ASCC3: variants seen among roughly 807,000 people sequenced by gnomAD.
ASCC3 encodes the protein activating signal cointegrator 1 complex subunit 3, also known as ASC-1 complex subunit P200.
In ASCC3, 158 loss-of-function variants were observed where a neutral mutation model predicts 256.3. That is an observed-to-expected ratio of 0.62 (90% CI 0.54 to 0.70). ASCC3 has a LOEUF of 0.70. ASCC3 is among the 30% of genes least tolerant of loss of function. The probability of loss-of-function intolerance (pLI) is 0.00; values close to 1 mark genes in which losing one functional copy is unlikely to be tolerated. For missense variants in ASCC3, 2,259 were observed against 2,626.0 expected (o/e 0.86, Z 3.05); for synonymous variants, 948 against 883.4 (o/e 1.07, Z -1.30).
chr6:100,647,564 T>C (rs1775444368), intron 20 of ASCC3, 113 bp from the exon 21 acceptor site: 5 of 872,168 alleles, frequency 5.7e-6, no homozygotes, highest in Non-Finnish European at 7.4e-6. Flanking sequence ...GCTGCATCCT[T>C]GAATTGTGGG....
chr6:100,574,304 T>G (rs1186842950), intron 36 of ASCC3, among the ~76,000 whole-genome samples: 1 of 151,998 alleles, frequency 6.6e-6, no homozygotes, highest in African/African-American at 2.4e-5. Context: ...CTTTGTAAAT[T>G]TAGATAAAAG....
At chr6:100,545,832 T>C (rs1348582041) in intron 36 of ASCC3, among the ~76,000 whole-genome samples, 1 of 152,142 alleles carries the variant, frequency 6.6e-6, no homozygotes, top group Non-Finnish European at 1.5e-5. Context: ...CTTTCTGCCT[T>C]AGCATCCCAA....
chr6:100,766,797 AAT>A (rs1781680109), intron 9 of ASCC3, 92 bp from the exon 10 acceptor site: 5 of 1,453,992 alleles, frequency 3.4e-6, no homozygotes. Flanking sequence ...TTTATTGTGA[AAT>A]ATGTTTCTAA....
chr6:100,853,420 CT>C (rs11299576), intron 3 of ASCC3, among the ~76,000 whole-genome samples: 22,940 of 127,246 alleles, frequency 0.18, 1,376 homozygotes, highest in African/African-American at 0.21. Flanking sequence ...ATAAATATTC[CT>C]TTTTTTTTTT....
intron 8 of ASCC3, among the ~76,000 whole-genome samples, chr6:100,769,697 G>T (rs1415442146): frequency 6.6e-6 from 1 of 151,558 alleles, no homozygotes; most frequent in Non-Finnish European, 1.5e-5. Flanking sequence ...TAACCTCTGG[G>T]CAGACTGATC....
intron 30 of ASCC3, among the ~76,000 whole-genome samples, chr6:100,617,608 C>T (rs1562170772): frequency 6.6e-6 from 1 of 152,212 alleles, no homozygotes; most frequent in Non-Finnish European, 1.5e-5. Context: ...CTTCTGTTCA[C>T]ATGTCACTGA....
intron 2 of ASCC3, among the ~76,000 whole-genome samples, chr6:100,866,276 A>T (rs1773475215): frequency 6.6e-6 from 1 of 152,164 alleles, no homozygotes; most frequent in Admixed American, 6.5e-5. Flanking sequence ...GGCCCTAGAG[A>T]TAAATAATTT....
intron 37 of ASCC3, among the ~76,000 whole-genome samples, chr6:100,521,248 TA>T (rs11308197): frequency 0.014 from 2,100 of 151,984 alleles, 38 homozygotes; most frequent in African/African-American, 0.048. Flanking sequence ...CGTATAAGAG[TA>T]GTGATGCTGG....
At chr6:100,629,233 CT>C in intron 26 of ASCC3, 52 bp from the exon 27 acceptor site, 1 of 1,529,684 alleles carries the variant, frequency 6.5e-7, no homozygotes, top group Non-Finnish European at 9.0e-7. Flanking sequence ...AACAAATGAC[CT>C]TGGAAATGCA....
rs570688494 is a variant in ASCC3, at chr6:100,586,061, C to T, written c.5550+3573G>A. Among the ~76,000 whole-genome samples the T allele has an allele frequency of 7.1e-3, 1,087 of 152,278 alleles. 11 individuals carry two copies. Among genetic ancestry groups the T allele is most frequent in the African/African-American group, 0.024 (1,011 of 41,556 alleles). On this transcript the variant is annotated intron_variant, in intron 36 of 41. Transcript: ENST00000369162. ...GGACCCACTTGAGGAGGCAGTCTGC[C>T]CGTTCTCAGATCTCCAGCTGCGTGC...
intron 8 of ASCC3, among the ~76,000 whole-genome samples, chr6:100,785,288 A>G (rs1185874822): frequency 6.6e-6 from 1 of 152,224 alleles, no homozygotes; most frequent in Non-Finnish European, 1.5e-5. Flanking sequence ...ATTGTATTAC[A>G]TATGAAGAAA....
At chr6:100,868,071 G>C (rs760544499) in intron 1 of ASCC3, 33 bp from the exon 2 acceptor site, 2 of 1,190,250 alleles carry the variant, frequency 1.7e-6, no homozygotes, top group Non-Finnish European at 2.5e-6. Flanking sequence ...TTATCTGTTC[G>C]GAAGAGGTGG....
chr6:100,687,030 T>TCACACACACACACACACACA lies in ASCC3; in HGVS notation c.2152-7279_2152-7278insTGTGTGTGTGTGTGTGTGTG, dbSNP rs1164501730. On this transcript the variant is annotated intron_variant, in intron 13 of 41. Coordinates refer to ENST00000369162, the MANE Select transcript of ASCC3 (RefSeq NM_006828.4). ...ACTTAAATCTCTCTCTCTCTCTCTC[T>TCACACACACACACACACACA]CTCTCACACACACACACACACACAC... 7.1e-4 allele frequency among the ~76,000 whole-genome samples: 92 copies of TCACACACACACACACACACA among 129,330 alleles called. 1 individual carries two copies. Among genetic ancestry groups the TCACACACACACACACACACA allele is most frequent in the Admixed American group, 1.1e-3 (13 of 12,092 alleles). The allele number at this position is 129,330 out of a possible 152,430, so 84.8% of individuals were successfully genotyped here. A position where few individuals can be genotyped will look rare whatever the true frequency, so the allele number is the denominator to read the frequency against.
chr6:100,512,977 A>G (rs1582365373), intron 39 of ASCC3, 59 bp from the exon 40 acceptor site: 5 of 1,461,010 alleles, frequency 3.4e-6, no homozygotes, highest in South Asian at 2.4e-5. Flanking sequence ...GCAATGATCA[A>G]TTAAGAAATA....
chr6:100,627,206 G>A (rs1351262529), intron 29 of ASCC3, among the ~76,000 whole-genome samples: 2 of 152,062 alleles, frequency 1.3e-5, no homozygotes, highest in Non-Finnish European at 1.5e-5. Flanking sequence ...CAGAAGCACT[G>A]TACTAAAGTA....
At position 100,867,934 on chromosome 6, in the gene ASCC3, A is replaced by AT. The variant is rs777773364; in HGVS notation, c.63_64insA (p.Tyr22IlefsTer2). The AT allele has an allele frequency of 6.2e-7, 1 of 1,613,472 alleles. No homozygotes were observed. Among genetic ancestry groups the AT allele is most frequent in the Non-Finnish European group, 8.5e-7 (1 of 1,179,594 alleles). ...TTTAAGTCAGCCACTTCTTCATTAT[A>AT]ATTATCTTGCTTGGTGACATTTGAA... On this transcript the variant is annotated frameshift_variant, in exon 2 of 42. Coordinates refer to ENST00000369162, the MANE Select transcript of ASCC3 (RefSeq NM_006828.4). LOFTEE classifies it high-confidence loss of function.
At chr6:100,787,466 A>T (rs1043839502) in intron 8 of ASCC3, among the ~76,000 whole-genome samples, 31 of 152,262 alleles carry the variant, frequency 2.0e-4, no homozygotes, top group Middle Eastern at 3.4e-3. Flanking sequence ...TCCTCATCAA[A>T]TAATCTATAG....
At chr6:100,777,012 G>A (rs767759213) in intron 8 of ASCC3, among the ~76,000 whole-genome samples, 2 of 151,868 alleles carry the variant, frequency 1.3e-5, no homozygotes, top group African/African-American at 2.4e-5. Flanking sequence ...CACACACTCC[G>A]TCCAAGTTTT....
intron 37 of ASCC3, among the ~76,000 whole-genome samples, chr6:100,532,335 C>CGTGTGTGTGTGTGTGTGTGT (rs3073701): frequency 1.0e-5 from 1 of 99,832 alleles, no homozygotes; most frequent in South Asian, 3.3e-4. Context: ...TGCTATCTTG[C>CGTGTGTGTGTGTGTGTGTGT]GTGTGTGTGT....
Sources: gnomAD v4.1 joint callset for allele counts (sites outside exome capture counted in the v4.1 genomes callset) on GRCh38, gnomAD v4.1.1 for gene constraint, MANE v1.5 for transcripts, NCBI Gene and HGNC (gene_info 2026-07-23, HGNC 2026-07-21) for gene names.